Variants in ZNF600 observed in about 807,000 individuals in gnomAD.
ZNF600 encodes the protein zinc finger protein KR-ZNF1.
ZNF600 carries 4 observed loss-of-function variants against 7.3 expected under a neutral mutation model. The ratio of observed to expected loss-of-function variants is 0.55; its 90% CI spans 0.27 to 1.25. The LOEUF (loss-of-function observed/expected upper bound fraction) is 1.25. Among genes scored for constraint, ZNF600 ranks in the 50% most tolerant of loss-of-function variants. The probability of loss-of-function intolerance (pLI) is 0.12; values close to 1 mark genes in which losing one functional copy is unlikely to be tolerated. For missense variants in ZNF600, 911 were observed against 922.1 expected (o/e 0.99, Z 0.16); for synonymous variants, 290 against 308.9 (o/e 0.94, Z 0.64).
Position 52,767,358 on chromosome 19 carries a change from AT to A in ZNF600, c.604del (p.Ile202SerfsTer25). On this transcript the variant is annotated frameshift_variant, in exon 4 of 4. Transcript: ENST00000648973. LOFTEE classifies it low-confidence loss of function (END_TRUNC). ...ATTCCCATAGTTATTAGAAATATGGATTTGGGGCCTAGGAGAAATTCTTTGG... is the reference window on the plus strand; with the variant it reads ...ATTCCCATAGTTATTAGAAATATGGATTGGGGCCTAGGAGAAATTCTTTGG... 1 of 1,613,974 alleles carries A rather than the reference AT, an allele frequency of 6.2e-7. No homozygotes were observed. Among genetic ancestry groups the A allele is most frequent in the South Asian group, 1.1e-5 (1 of 91,074 alleles).
chr19:52,807,954 C>G, the ZNF600 span: 1 of 1,609,772 alleles, frequency 6.2e-7, no homozygotes. Flanking sequence ...CAAGAGGCAA[C>G]AAGAGAAAAT....
At chr19:52,767,205 T>C (rs752163758) in exon 4 of ZNF600, 3 of 1,614,006 alleles carry the variant, frequency 1.9e-6, no homozygotes, top group Non-Finnish European at 2.5e-6. Context: ...GTCTCCTAAA[T>C]GGGGTATCTG....
At chr19:52,809,850 G>A in the ZNF600 span, 3 of 587,114 alleles carry the variant, frequency 5.1e-6, no homozygotes, top group Admixed American at 1.0e-4. Flanking sequence ...TGGCGGTGGT[G>A]GCAGTAGCAC....
At chr19:52,826,521 C>A in the ZNF600 span, among the ~76,000 whole-genome samples, 1 of 152,196 alleles carries the variant, frequency 6.6e-6, no homozygotes, top group East Asian at 1.9e-4. Flanking sequence ...GCCTGGCCAA[C>A]AAGGCAAAAC....
In ZNF600 at chr19:52,766,532, A is replaced by G. The variant is rs761517316; in HGVS notation, c.1431T>C (p.His477=). The G allele has an allele frequency of 7.4e-6, 12 of 1,614,056 alleles. No homozygotes were observed. In the Admixed American group the frequency reaches 1.5e-4, roughly 20 times the overall value. Residue 477 remains histidine (H), a synonymous_variant, in exon 4 of 4, where the codon CAT becomes CAC. Coordinates refer to ENST00000648973, the Ensembl canonical transcript of ZNF600. ...TACACTTGTAAGGTTTTCCTCCACT[A>G]TGAATTCTAGTATGTCTTACCAGGT...
exon 4 of ZNF600, chr19:52,766,070 G>C: frequency 6.2e-7 from 1 of 1,613,984 alleles, no homozygotes; most frequent in African/African-American, 1.3e-5. Context: ...TGTGACTGAA[G>C]GTCTTGCCAC....
At chr19:52,801,711 T>C in the ZNF600 span, 3 of 1,608,004 alleles carry the variant, frequency 1.9e-6, no homozygotes, top group Non-Finnish European at 2.5e-6. Flanking sequence ...ATCTACAAAA[T>C]ATAAACACCA....
At chr19:52,819,154 G>A in the ZNF600 span, among the ~76,000 whole-genome samples, 1 of 139,010 alleles carries the variant, frequency 7.2e-6, no homozygotes, top group African/African-American at 2.8e-5. Flanking sequence ...GGCAGAGGGA[G>A]TCAGATGAGG....
At chr19:52,809,257 G>A in the ZNF600 span, among the ~76,000 whole-genome samples, 1 of 152,080 alleles carries the variant, frequency 6.6e-6, no homozygotes, top group Admixed American at 6.6e-5. Flanking sequence ...TAGTAATGCG[G>A]ACGTGCACAG....
At chr19:52,807,962 A>G in the ZNF600 span, 3 of 1,610,470 alleles carry the variant, frequency 1.9e-6, no homozygotes, top group Admixed American at 3.4e-5. Flanking sequence ...AACAAGAGAA[A>G]ATACAAAGAT....
chr19:52,791,511 T>C (rs10416157), upstream of ZNF600, among the ~76,000 whole-genome samples: 3 of 152,076 alleles, frequency 2.0e-5, no homozygotes, highest in Non-Finnish European at 4.4e-5. Context: ...GGAAGAGCCA[T>C]GCCTGGCTCC....
chr19:52,801,131 T>C, the ZNF600 span: 17 of 1,614,144 alleles, frequency 1.1e-5, no homozygotes, highest in Non-Finnish European at 1.4e-5. Flanking sequence ...GTTTCTCTTC[T>C]AAGTGGGTTA....
At chr19:52,770,999 C>A (rs142731233) in intron 3 of ZNF600, among the ~76,000 whole-genome samples, 1,537 of 152,034 alleles carry the variant, frequency 0.01, 26 homozygotes, top group African/African-American at 0.033. Context: ...ATGCCTGGCT[C>A]ATTTTGTATT....
At chr19:52,829,183 TTTTTATTTTATTTTATTTTATTTTA>T in the ZNF600 span, among the ~76,000 whole-genome samples, 2 of 91,732 alleles carry the variant, frequency 2.2e-5, no homozygotes, top group African/African-American at 3.7e-5. Flanking sequence ...TTTTTTTCTT[TTTTTATTTTATTTTATTTTATTTTA>T]TTTTATTTTA....
At chr19:52,817,508 A>C in the ZNF600 span, among the ~76,000 whole-genome samples, 2 of 152,208 alleles carry the variant, frequency 1.3e-5, no homozygotes, top group African/African-American at 4.8e-5. Context: ...GTATAAAATC[A>C]GGGAGAAAAG....
chr19:52,809,820 G>A, the ZNF600 span: 10 of 520,792 alleles, frequency 1.9e-5, no homozygotes, highest in Admixed American at 2.3e-4. Flanking sequence ...TCTGAGCGGC[G>A]AAGGCGGCGG....
chr19:52,811,696 C>T, the ZNF600 span, among the ~76,000 whole-genome samples: 1 of 149,006 alleles, frequency 6.7e-6, no homozygotes, highest in Non-Finnish European at 1.5e-5. Flanking sequence ...CTCCGTCCGG[C>T]AACCACCCCG....
At chr19:52,810,564 G>A in the ZNF600 span, 31 of 1,593,176 alleles carry the variant, frequency 1.9e-5, no homozygotes, top group East Asian at 6.7e-5. Flanking sequence ...ACAACAGACC[G>A]GGGTCTTCCA....
At chr19:52,783,375 GT>G (rs2062738530) in intron 1 of ZNF600, among the ~76,000 whole-genome samples, 1 of 151,700 alleles carries the variant, frequency 6.6e-6, no homozygotes, top group South Asian at 2.1e-4. Flanking sequence ...TTGTTTGTTT[GT>G]TTTGAGACCG....
Sources: allele counts gnomAD v4.1 joint callset (sites outside exome capture counted in the v4.1 genomes callset), GRCh38; gene constraint gnomAD v4.1.1; transcripts MANE v1.5; gene names NCBI Gene and HGNC (gene_info 2026-07-23, HGNC 2026-07-21).